The following PCDHA1 variants were observed in gnomAD, a reference collection of about 807,000 sequenced individuals.
PCDHA1 encodes the protein protocadherin alpha-1.
PCDHA1 carries 42 observed loss-of-function variants against 61.3 expected under a neutral mutation model. The observed-to-expected ratio is 0.69, with a 90% CI of 0.54 to 0.89. The LOEUF (loss-of-function observed/expected upper bound fraction) is 0.89, where lower values mean the gene tolerates loss of function less well. Among genes scored for constraint, PCDHA1 ranks in the 40% least tolerant of loss-of-function variants. The pLI is 0.00. For missense variants in PCDHA1, 1,256 were observed against 1,235.3 expected, an observed-to-expected ratio of 1.02 and a Z score of -0.25; for synonymous variants, 610 against 553.8, an observed-to-expected ratio of 1.10 and a Z score of -1.43.
At chr5:140,802,808 G>T (rs782763796) in intron 1 of PCDHA1, 4 of 1,613,318 alleles carry the variant, frequency 2.5e-6, no homozygotes, top group East Asian at 4.5e-5. Context: ...AGGTGAGTGC[G>T]CGCGATGCGG....
At chr5:140,966,208 T>G (rs993246205) in intron 1 of PCDHA1, 2 of 231,366 alleles carry the variant, frequency 8.6e-6, no homozygotes, top group Admixed American at 1.1e-4. Flanking sequence ...TTGACTGCTT[T>G]TCCCAGACTA....
At chr5:140,907,720 C>T (rs1554193113) in intron 1 of PCDHA1, among the ~76,000 whole-genome samples, 1 of 152,208 alleles carries the variant, frequency 6.6e-6, no homozygotes, top group Non-Finnish European at 1.5e-5. Context: ...CATGTGTAAC[C>T]TCCATCCCTG....
chr5:140,850,512 G>A lies in PCDHA1; in HGVS notation c.2394+61828G>A, dbSNP rs17844334. 2.6e-5 allele frequency: 41 copies of A among 1,598,146 alleles called. 4 individuals carry two copies. The highest frequency in any genetic ancestry group is 5.1e-5 in the Admixed American group (3 of 59,282). On this transcript the variant is annotated intron_variant, in intron 1 of 3. Coordinates refer to ENST00000504120, the MANE Select transcript of PCDHA1 (RefSeq NM_018900.4). Reference sequence around the variant, plus strand: ...TGTGCTGGTGTCGCTGGTGGAGAGCGGCCAGGCGCCAAAGTCATCGTCGCG... The same window carrying A: ...TGTGCTGGTGTCGCTGGTGGAGAGCAGCCAGGCGCCAAAGTCATCGTCGCG...
chr5:140,912,145 C>T (rs561351882), intron 1 of PCDHA1, among the ~76,000 whole-genome samples: 1 of 152,302 alleles, frequency 6.6e-6, no homozygotes, highest in African/African-American at 2.4e-5. Flanking sequence ...CCATGTTCTT[C>T]TGCCTGTTTT....
At chr5:140,957,386 T>C (rs1461790676) in intron 1 of PCDHA1, among the ~76,000 whole-genome samples, 1 of 152,226 alleles carries the variant, frequency 6.6e-6, no homozygotes, top group Non-Finnish European at 1.5e-5. Context: ...TGTATTGTTA[T>C]AATTGTCCTA....
At chr5:140,823,372 C>A in intron 1 of PCDHA1, 1 of 1,612,598 alleles carries the variant, frequency 6.2e-7, no homozygotes, top group Non-Finnish European at 8.5e-7. Context: ...GCTGCAGTTC[C>A]AGGTGAGCGC....
At chr5:140,969,141 G>T in intron 1 of PCDHA1, 1 of 1,614,158 alleles carries the variant, frequency 6.2e-7, no homozygotes, top group Non-Finnish European at 8.5e-7. Context: ...AAGACCTACT[G>T]CTACAAGGCC....
intron 3 of PCDHA1, among the ~76,000 whole-genome samples, chr5:140,998,253 T>C (rs1245576621): frequency 6.6e-6 from 1 of 152,232 alleles, no homozygotes; most frequent in Non-Finnish European, 1.5e-5. Context: ...CTCATTTTAC[T>C]GCTAAGAAAA....
intron 1 of PCDHA1, among the ~76,000 whole-genome samples, chr5:140,978,500 G>T (rs1480843119): frequency 2.0e-5 from 3 of 152,228 alleles, no homozygotes; most frequent in Non-Finnish European, 2.9e-5. Context: ...GCAGCAGATT[G>T]CAGTCCTCTG....
intron 1 of PCDHA1, among the ~76,000 whole-genome samples, chr5:140,921,475 A>G (rs1323812887): frequency 6.6e-6 from 1 of 152,074 alleles, no homozygotes; most frequent in Non-Finnish European, 1.5e-5. Context: ...CTACCAAACC[A>G]CTCTACCTGA....
At chr5:140,842,322 G>C (rs1349163820) in intron 1 of PCDHA1, 7 of 1,607,496 alleles carry the variant, frequency 4.4e-6, no homozygotes, top group Admixed American at 3.3e-5. Flanking sequence ...GCGGGTCATT[G>C]CACCGTTTTA....
intron 1 of PCDHA1, chr5:140,809,687 CATAT>C: frequency 2.3e-6 from 3 of 1,291,004 alleles, no homozygotes; most frequent in Non-Finnish European, 3.2e-6. Context: ...CCTCTTTTTA[CATAT>C]CCATTTTAAC....
At chr5:140,821,816 T>A in intron 1 of PCDHA1, 1 of 1,613,984 alleles carries the variant, frequency 6.2e-7, no homozygotes, top group Non-Finnish European at 8.5e-7. Context: ...TCCCGGCTCC[T>A]GCTGCTCTGG....
intron 1 of PCDHA1, chr5:140,928,126 C>T (rs782461261): frequency 1.2e-6 from 2 of 1,614,176 alleles, no homozygotes; most frequent in Non-Finnish European, 1.7e-6. Context: ...CAGTGAATAC[C>T]AAGTCCTGAT....
intron 1 of PCDHA1, chr5:140,835,489 T>A: frequency 1.2e-6 from 2 of 1,613,950 alleles, no homozygotes; most frequent in Non-Finnish European, 1.7e-6. Context: ...GGTACCGTCA[T>A]CACATTGATT....
chr5:141,010,446 C>G lies in PCDHA1; in HGVS notation c.*509C>G, dbSNP rs951181939. 39 of 944,590 alleles carry G rather than the reference C, an allele frequency of 4.1e-5. No homozygotes were observed. Among genetic ancestry groups the G allele is most frequent in the Non-Finnish European group, 5.6e-5 (37 of 656,282 alleles). The allele number at this position is 944,590 out of a possible 1,614,324, so 58.5% of individuals were successfully genotyped here. On this transcript the variant is annotated 3_prime_UTR_variant, in exon 4 of 4. Coordinates refer to ENST00000504120, the MANE Select transcript of PCDHA1 (RefSeq NM_018900.4). ...AGGCAAGAAAACAAAGACAAATAAA[C>G]AGCGGAAGTTATCAGTATGGAGGGG...
intron 1 of PCDHA1, chr5:140,829,487 G>A (rs2150168729): frequency 6.2e-7 from 1 of 1,613,742 alleles, no homozygotes; most frequent in East Asian, 2.2e-5. Flanking sequence ...GTTCGTGAAG[G>A]AGAACAACCC....
At chr5:140,824,231 C>G (rs2150133330) in intron 1 of PCDHA1, 1 of 1,533,044 alleles carries the variant, frequency 6.5e-7, no homozygotes, top group East Asian at 2.2e-5. Flanking sequence ...TCTTAGTACA[C>G]AAATATTGTG....
chr5:140,928,161 C>G (rs155820), intron 1 of PCDHA1: 543,775 of 1,613,884 alleles, frequency 0.34, 93,301 homozygotes, highest in East Asian at 0.51. Flanking sequence ...GTGGCTCACC[C>G]CCACTTAGCA....
Sources: allele counts gnomAD v4.1 joint callset (sites outside exome capture counted in the v4.1 genomes callset), GRCh38; gene constraint gnomAD v4.1.1; transcripts MANE v1.5; gene names NCBI Gene and HGNC (gene_info 2026-07-23, HGNC 2026-07-21).